GPC5: variants seen among roughly 807,000 people sequenced by gnomAD.
The protein encoded by GPC5 is glypican 5, also known as glypican-5.
A neutral mutation model predicts 53.9 loss-of-function variants in GPC5; 47 were observed. The observed-to-expected ratio is 0.87, with a 90% confidence interval of 0.69 to 1.11. The LOEUF (loss-of-function observed/expected upper bound fraction) is 1.11, where lower values mean the gene tolerates loss of function less well. Ranked by LOEUF, GPC5 falls within the 50% of genes most tolerant of loss-of-function variation. GPC5 has a pLI of 0.00. For synonymous variants in GPC5, 286 were observed against 263.3 expected (o/e 1.09, Z -0.84); for missense variants, 748 against 713.1 (o/e 1.05, Z -0.56).
intron 6 of GPC5, among the ~76,000 whole-genome samples, chr13:92,130,069 C>T (rs2041730586): frequency 6.6e-6 from 1 of 151,930 alleles, no homozygotes; most frequent in Non-Finnish European, 1.5e-5. Context: ...AGTAAAAGAG[C>T]ACAGATAAGT....
intron 7 of GPC5, among the ~76,000 whole-genome samples, chr13:92,280,374 A>C (rs966118168): frequency 6.6e-6 from 1 of 151,976 alleles, no homozygotes; most frequent in South Asian, 2.1e-4. Context: ...AAACTCTATT[A>C]GTTCCTTCCT....
chr13:91,557,928 A>G (rs1269571593), intron 2 of GPC5, among the ~76,000 whole-genome samples: 1 of 152,130 alleles, frequency 6.6e-6, no homozygotes, highest in African/African-American at 2.4e-5. Context: ...GTCCCCAAGG[A>G]CTACCAGAAA....
chr13:92,437,656 T>G (rs944869820), intron 7 of GPC5, among the ~76,000 whole-genome samples: 1 of 152,096 alleles, frequency 6.6e-6, no homozygotes, highest in Non-Finnish European at 1.5e-5. Flanking sequence ...ACCACAAACT[T>G]AGTGTCATAC....
intron 6 of GPC5, among the ~76,000 whole-genome samples, chr13:92,121,916 T>C (rs1173899586): frequency 5.3e-5 from 8 of 152,216 alleles, no homozygotes; most frequent in African/African-American, 1.9e-4. Context: ...AAATTAGGAT[T>C]GGAATGAACG....
At chr13:92,155,021 A>G (rs1037575407) in intron 7 of GPC5, among the ~76,000 whole-genome samples, 1 of 152,184 alleles carries the variant, frequency 6.6e-6, no homozygotes, top group African/African-American at 2.4e-5. Flanking sequence ...AGATACAGAG[A>G]TAGTGTCAGG....
chr13:92,711,243 T>C, intron 7 of GPC5, among the ~76,000 whole-genome samples: 1 of 152,182 alleles, frequency 6.6e-6, no homozygotes, highest in East Asian at 1.9e-4. Context: ...CACATGACCC[T>C]ACTTATTAAA....
intron 7 of GPC5, among the ~76,000 whole-genome samples, chr13:92,739,853 C>A (rs1889039390): frequency 6.6e-6 from 1 of 151,468 alleles, no homozygotes; most frequent in Admixed American, 6.6e-5. Flanking sequence ...AGAACAAAAA[C>A]AAAACAAACA....
At chr13:91,602,929 T>C (rs751409848) in intron 2 of GPC5, among the ~76,000 whole-genome samples, 2 of 152,242 alleles carry the variant, frequency 1.3e-5, no homozygotes, top group Non-Finnish European at 2.9e-5. Context: ...TATGGAGTTA[T>C]GTGCCTTTTC....
At chr13:92,172,421 T>C (rs529519732) in intron 7 of GPC5, among the ~76,000 whole-genome samples, 2 of 152,290 alleles carry the variant, frequency 1.3e-5, no homozygotes, top group East Asian at 1.9e-4. Context: ...GTATTAAAAA[T>C]AGCAAATGAA....
intron 7 of GPC5, among the ~76,000 whole-genome samples, chr13:92,614,830 T>C (rs141147549): frequency 1.3e-5 from 2 of 152,356 alleles, no homozygotes; most frequent in African/African-American, 4.8e-5. Context: ...CATTCTATGA[T>C]ACTAATCTTG....
intron 3 of GPC5, 111 bp downstream of exon 3, chr13:91,693,992 A>T: frequency 1.2e-6 from 1 of 820,502 alleles, no homozygotes. Flanking sequence ...TCAATCCAAG[A>T]TATTATTTTT....
chr13:91,701,994 A>T (rs2036003854), intron 3 of GPC5, among the ~76,000 whole-genome samples: 1 of 152,072 alleles, frequency 6.6e-6, no homozygotes. Flanking sequence ...CCATTCTAAC[A>T]GATTTGAAAT....
intron 7 of GPC5, among the ~76,000 whole-genome samples, chr13:92,731,008 T>C (rs929679598): frequency 2.6e-5 from 4 of 151,424 alleles, no homozygotes. Flanking sequence ...AGTCTTTGAT[T>C]GCTTATGTAT....
chr13:92,613,442 A>ATG (rs139041306), intron 7 of GPC5, among the ~76,000 whole-genome samples: 2 of 43,200 alleles, frequency 4.6e-5, no homozygotes, highest in African/African-American at 4.5e-4. Flanking sequence ...ATATATAAAT[A>ATG]TATATATTTA....
At chr13:92,060,935 C>T (rs749715218) in intron 6 of GPC5, among the ~76,000 whole-genome samples, 2 of 151,896 alleles carry the variant, frequency 1.3e-5, no homozygotes, top group Non-Finnish European at 2.9e-5. Flanking sequence ...TGCAGCTATC[C>T]GTAGGCAATA....
intron 7 of GPC5, among the ~76,000 whole-genome samples, chr13:92,696,065 A>G (rs921448744): frequency 6.6e-6 from 1 of 152,114 alleles, no homozygotes; most frequent in African/African-American, 2.4e-5. Context: ...TCCATGGTGT[A>G]TATGTGCCAC....
intron 6 of GPC5, among the ~76,000 whole-genome samples, chr13:92,095,135 T>C (rs2041411979): frequency 6.6e-6 from 1 of 152,154 alleles, no homozygotes; most frequent in African/African-American, 2.4e-5. Context: ...GTGCCAACTC[T>C]CTGTGCATTA....
At chr13:91,679,249 A>G (rs2035452864) in intron 2 of GPC5, among the ~76,000 whole-genome samples, 1 of 152,202 alleles carries the variant, frequency 6.6e-6, no homozygotes, top group African/African-American at 2.4e-5. Context: ...TTACATAGGT[A>G]TACAGGTGCC....
chr13:92,385,776 C>CATATATGTATATATACGT (rs1874677077), intron 7 of GPC5, among the ~76,000 whole-genome samples: 1 of 136,536 alleles, frequency 7.3e-6, no homozygotes, highest in Admixed American at 7.6e-5. Flanking sequence ...CGTATATATA[C>CATATATGTATATATACGT]ATATATGTAT....
Sources: gnomAD v4.1 joint callset for allele counts (sites outside exome capture counted in the v4.1 genomes callset) on GRCh38, gnomAD v4.1.1 for gene constraint, MANE v1.5 for transcripts, NCBI Gene and HGNC (gene_info 2026-07-23, HGNC 2026-07-21) for gene names.